Variants in AGMO observed in about 807,000 individuals in gnomAD.
AGMO encodes glyceryl-ether monooxygenase.
A neutral mutation model predicts 60.2 loss-of-function variants in AGMO; 75 were observed. The observed-to-expected ratio is 1.25, with a 90% CI of 1.03 to 1.51. The LOEUF (loss-of-function observed/expected upper bound fraction) is 1.51, where lower values mean the gene tolerates loss of function less well. Among genes scored for constraint, AGMO ranks in the 40% most tolerant of loss-of-function variants. The pLI, the probability that AGMO is intolerant of heterozygous loss-of-function variation, is 0.00. For missense variants in AGMO, 763 were observed against 525.5 expected (o/e 1.45, Z -4.42); for synonymous variants, 261 against 177.1 (o/e 1.47, Z -3.76).
At chr7:15,263,979 T>C (rs986146656) in intron 12 of AGMO, among the ~76,000 whole-genome samples, 1 of 152,038 alleles carries the variant, frequency 6.6e-6, no homozygotes, top group Non-Finnish European at 1.5e-5. Flanking sequence ...GCTTGGTTGA[T>C]GGGTGCACCA....
intron 3 of AGMO, among the ~76,000 whole-genome samples, chr7:15,456,349 A>G (rs983416742): frequency 1.3e-5 from 2 of 151,742 alleles, no homozygotes; most frequent in African/African-American, 4.8e-5. Context: ...TGTTATTGTC[A>G]CTTGGTTTTT....
intron 12 of AGMO, among the ~76,000 whole-genome samples, chr7:15,217,603 A>T (rs957768532): frequency 6.6e-6 from 1 of 152,116 alleles, no homozygotes; most frequent in African/African-American, 2.4e-5. Context: ...TCAAATAGAA[A>T]CATCTTAAAT....
At chr7:15,138,420 A>T in the AGMO span, among the ~76,000 whole-genome samples, 1 of 152,208 alleles carries the variant, frequency 6.6e-6, no homozygotes, top group Non-Finnish European at 1.5e-5. Flanking sequence ...GACAGGCTAA[A>T]TCATAATCCC....
At chr7:15,555,040 T>G (rs1203682954) in intron 2 of AGMO, among the ~76,000 whole-genome samples, 3 of 151,878 alleles carry the variant, frequency 2.0e-5, no homozygotes, top group African/African-American at 7.3e-5. Context: ...TCAGAATAAG[T>G]AGACTCATGT....
At chr7:15,551,917 C>T (rs1784971250) in intron 2 of AGMO, among the ~76,000 whole-genome samples, 1 of 151,642 alleles carries the variant, frequency 6.6e-6, no homozygotes, top group African/African-American at 2.4e-5. Context: ...TGACTTCAAA[C>T]TATACTACAA....
chr7:15,160,872 G>A, the AGMO span, among the ~76,000 whole-genome samples: 18 of 152,196 alleles, frequency 1.2e-4, no homozygotes, highest in South Asian at 6.2e-4. Flanking sequence ...AATTTACAAT[G>A]AACAAAAATT....
chr7:15,217,892 T>G (rs1469801998), intron 12 of AGMO, among the ~76,000 whole-genome samples: 1 of 152,062 alleles, frequency 6.6e-6, no homozygotes, highest in Non-Finnish European at 1.5e-5. Context: ...AATATTATTA[T>G]TTATTTATTT....
At chr7:15,396,510 A>C (rs1170635469) in intron 5 of AGMO, 3 of 152,276 alleles carry the variant, frequency 2.0e-5, no homozygotes, top group Non-Finnish European at 4.4e-5. Flanking sequence ...GAGCAGCAGC[A>C]ATACATACAT....
At chr7:15,525,987 T>C (rs1214005282) in intron 3 of AGMO, among the ~76,000 whole-genome samples, 1 of 152,116 alleles carries the variant, frequency 6.6e-6, no homozygotes, top group Non-Finnish European at 1.5e-5. Flanking sequence ...AAGCCCTGCA[T>C]GGAACTCACT....
At chr7:15,471,484 T>C (rs1304583050) in intron 3 of AGMO, among the ~76,000 whole-genome samples, 2 of 151,938 alleles carry the variant, frequency 1.3e-5, no homozygotes, top group Admixed American at 6.6e-5. Flanking sequence ...ATAAATAATG[T>C]CATGGTTGTC....
chr7:15,315,256 T>C (rs1780884199), intron 12 of AGMO, among the ~76,000 whole-genome samples: 1 of 144,560 alleles, frequency 6.9e-6, no homozygotes, highest in Non-Finnish European at 1.5e-5. Flanking sequence ...AGAAAACTAA[T>C]ACATACAACA....
At chr7:15,278,577 C>G (rs1783866099) in intron 12 of AGMO, among the ~76,000 whole-genome samples, 1 of 152,080 alleles carries the variant, frequency 6.6e-6, no homozygotes, top group South Asian at 2.1e-4. Context: ...GATGGGAGCT[C>G]TAGCGCGTTT....
In AGMO at chr7:15,375,386, ATT is replaced by A. The variant is rs71004377; in HGVS notation, c.1075-9166_1075-9165del. 5.6e-3 allele frequency among the ~76,000 whole-genome samples: 616 copies of A among 109,396 alleles called. 4 individuals are homozygous for A. Among genetic ancestry groups the A allele is most frequent in the African/African-American group, 0.022 (578 of 26,166 alleles). 71.8% of individuals were successfully genotyped at this position (109,396 alleles called of 152,430 possible). A position where few individuals can be genotyped will look rare whatever the true frequency, so the allele number is the denominator to read the frequency against. Reference sequence around the variant, plus strand: ...CAGATCAGACTTTCTTTCTAAAAGGATTTTTTTTTTTTTTTTTTTTTTTTTTT... The same window carrying A: ...CAGATCAGACTTTCTTTCTAAAAGGATTTTTTTTTTTTTTTTTTTTTTTTT... On this transcript the variant is annotated intron_variant, in intron 10 of 12. Transcript: ENST00000342526.
In AGMO at chr7:15,418,620, G is replaced by A. The variant is rs773104971; in HGVS notation, c.547C>T (p.Pro183Ser). 1.3e-6 allele frequency: 2 copies of A among 1,577,428 alleles called. No individual in the cohort carries two copies. The highest frequency in any genetic ancestry group is 1.7e-4 in the Middle Eastern group (1 of 5,780). Residue 183 changes from proline (P) to serine (S), a missense_variant, in exon 5 of 13, where the codon CCT becomes TCT. Pro to Ser is a moderately conservative substitution (Grantham distance 74, BLOSUM62 -1). Coordinates refer to ENST00000342526, the MANE Select transcript of AGMO (RefSeq NM_001004320.2). ...TGAAGATGAACAGCATATACTGAAG[G>A]GGGTATGAAGAGGGCCAGGGGAGAG... ...FYSPLALFIP[P>S]SVYAVHLQFN... is the part of the protein sequence containing the mutation.
chr7:15,367,641 T>A (rs115056442), intron 10 of AGMO, among the ~76,000 whole-genome samples: 1 of 152,070 alleles, frequency 6.6e-6, no homozygotes, highest in Non-Finnish European at 1.5e-5. Context: ...AAATTGAGAT[T>A]ACATAGCCAA....
chr7:15,328,956 C>A (rs1781424002), intron 12 of AGMO, among the ~76,000 whole-genome samples: 1 of 152,136 alleles, frequency 6.6e-6, no homozygotes, highest in South Asian at 2.1e-4. Flanking sequence ...AACCTGAACT[C>A]CTATTCCCTA....
chr7:15,377,746 G>C, intron 10 of AGMO, among the ~76,000 whole-genome samples: 1 of 151,988 alleles, frequency 6.6e-6, no homozygotes, highest in East Asian at 1.9e-4. Flanking sequence ...CTCTATTAAT[G>C]ATGTAGATTT....
the AGMO span, among the ~76,000 whole-genome samples, chr7:15,129,708 T>C: frequency 6.6e-6 from 1 of 152,100 alleles, no homozygotes; most frequent in African/African-American, 2.4e-5. Flanking sequence ...TCCAATTGCA[T>C]TATGGGTGGT....
intron 12 of AGMO, among the ~76,000 whole-genome samples, chr7:15,353,550 TAAAAGAA>T (rs1563104218): frequency 6.6e-6 from 1 of 151,960 alleles, no homozygotes; most frequent in Admixed American, 6.6e-5. Context: ...ACTACTCAAC[TAAAAGAA>T]AAAAGAAATG....
Sources: gnomAD v4.1 joint callset for allele counts (sites outside exome capture counted in the v4.1 genomes callset) on GRCh38, gnomAD v4.1.1 for gene constraint, MANE v1.5 for transcripts, NCBI Gene and HGNC (gene_info 2026-07-23, HGNC 2026-07-21) for gene names.